ANKRD36C: variants seen among roughly 807,000 people sequenced by gnomAD.
The protein encoded by ANKRD36C is ankyrin repeat domain 36C.
ANKRD36C carries 61 observed loss-of-function variants against 276.4 expected under a neutral mutation model. The ratio of observed to expected loss-of-function variants is 0.22; its 90% CI spans 0.18 to 0.27. ANKRD36C has a LOEUF of 0.27. Ranked by LOEUF, ANKRD36C falls within the 10% of genes least tolerant of loss-of-function variation. The pLI, the probability that ANKRD36C is intolerant of heterozygous loss-of-function variation, is 1.00. For synonymous variants in ANKRD36C, 483 were observed against 680.1 expected, an observed-to-expected ratio of 0.71 and a Z score of 4.51; for missense variants, 1,447 against 2,032.3, an observed-to-expected ratio of 0.71 and a Z score of 5.54.
chr2:95,986,679 G>A, intron 3 of ANKRD36C, 72 bp downstream of exon 3: 2 of 1,229,686 alleles, frequency 1.6e-6, no homozygotes, highest in Non-Finnish European at 1.1e-6. Context: ...ATGAAAAATT[G>A]ACCCTTACAT....
intron 44 of ANKRD36C, 65 bp from the exon 59 acceptor site, chr2:95,897,530 T>C: frequency 2.6e-6 from 4 of 1,511,778 alleles, no homozygotes; most frequent in South Asian, 1.2e-5. Flanking sequence ...CACATATTCA[T>C]GCAGTGTTAG....
chr2:95,884,505 G>A, intron 52 of ANKRD36C, 137 bp from the exon 73 acceptor site: 2 of 1,449,276 alleles, frequency 1.4e-6, no homozygotes, highest in Admixed American at 3.7e-5. Context: ...CTTTGTGTCT[G>A]GGGATTGGAA....
chr2:95,863,467 G>A (rs1456261455), intron 60 of ANKRD36C, among the ~76,000 whole-genome samples: 1 of 152,058 alleles, frequency 6.6e-6, no homozygotes, highest in Non-Finnish European at 1.5e-5. Context: ...GAAAGAAGGA[G>A]TATATCTCAA....
chr2:95,903,627 T>C (rs1439035970), intron 42 of ANKRD36C, among the ~76,000 whole-genome samples: 4 of 150,844 alleles, frequency 2.7e-5, no homozygotes, highest in Non-Finnish European at 5.9e-5. Flanking sequence ...ATCTGTTTGC[T>C]GATACCTAGT....
chr2:95,910,040 G>A (rs1289693562), intron 42 of ANKRD36C, among the ~76,000 whole-genome samples: 1 of 151,208 alleles, frequency 6.6e-6, no homozygotes, highest in Admixed American at 6.6e-5. Flanking sequence ...CTGTAAAATC[G>A]ATACTTCCTC....
intron 34 of ANKRD36C, among the ~76,000 whole-genome samples, chr2:95,918,943 A>G (rs1215040947): frequency 7.6e-6 from 1 of 131,368 alleles, no homozygotes; most frequent in Non-Finnish European, 1.7e-5. Context: ...TTCATGAAAT[A>G]GCTATTTCAC....
At position 95,923,525 on chromosome 2, in the gene ANKRD36C, C is replaced by A. The variant is rs1399038361; in HGVS notation, c.2113G>T (p.Glu705Ter). Reference sequence around the variant, plus strand: ...CCACATTGTAGTCCATCCTTTATTTCTGTAGCTATATTCAAAGCAGAATCT... The same window carrying A: ...CCACATTGTAGTCCATCCTTTATTTATGTAGCTATATTCAAAGCAGAATCT... The change falls in exon 32 of 67, where the codon GAA (glutamate) becomes TAA (stop). Residue 705 changes from glutamate (E) to a stop codon, truncating the protein, a stop_gained. Transcript: ENST00000456556. LOFTEE classifies it high-confidence loss of function. The A allele has an allele frequency of 6.2e-7, 1 of 1,610,996 alleles. No homozygotes were observed. The highest frequency in any genetic ancestry group is 1.1e-5 in the South Asian group (1 of 90,986).
At chr2:95,953,412 C>T (rs1678249757) in intron 14 of ANKRD36C, among the ~76,000 whole-genome samples, 1 of 151,746 alleles carries the variant, frequency 6.6e-6, no homozygotes, top group Admixed American at 6.6e-5. Context: ...ATTACAGAGC[C>T]AGGAATAAAA....
In ANKRD36C at chr2:95,855,690, A is replaced by G. The variant is rs74850719; in HGVS notation, c.4571T>C (p.Phe1524Ser). 4.3e-6 allele frequency: 7 copies of G among 1,611,998 alleles called. No homozygotes were observed. In the Admixed American group the frequency reaches 1.0e-4, roughly 23 times the overall value. ...ATGGAGCTCAGTTTCGAGGACTCTGAACTTACTCTCAGCTTTAGAAAGTTG... is the reference window on the plus strand; with the variant it reads ...ATGGAGCTCAGTTTCGAGGACTCTGGACTTACTCTCAGCTTTAGAAAGTTG... The change falls in exon 63 of 67, where the codon TTC becomes TCC. Residue 1524 changes from phenylalanine (F) to serine (S), a missense_variant. Coordinates refer to ENST00000456556, the Ensembl canonical transcript of ANKRD36C.
At chr2:95,946,145 G>C (rs2104474327) in intron 17 of ANKRD36C, among the ~76,000 whole-genome samples, 1 of 96,572 alleles carries the variant, frequency 1.0e-5, no homozygotes, top group South Asian at 3.7e-4. Flanking sequence ...GAGAGAGAGA[G>C]ACAGAGAGAG....
rs370291695 is a variant in ANKRD36C at position 95,910,233 on chromosome 2, C to G, written c.2653+2011G>C. On this transcript the variant is annotated intron_variant, in intron 42 of 66. Coordinates refer to ENST00000456556, the Ensembl canonical transcript of ANKRD36C. ...GACCAGCAGCATCAGCATCACCCAA[C>G]AACTTACTACAAATGAAGAATCTCC... is the stretch of plus-strand genomic sequence containing the variant. 7.6e-4 allele frequency: 798 copies of G among 1,043,754 alleles called. 1 individual carries two copies. Among genetic ancestry groups the G allele is most frequent in the East Asian group, 5.0e-3 (171 of 34,198 alleles). 64.7% of individuals were successfully genotyped at this position (1,043,754 alleles called of 1,614,324 possible). A position where few individuals can be genotyped will look rare whatever the true frequency, so the allele number is the denominator to read the frequency against.
Position 95,888,180 on chromosome 2 carries a change from A to G in ANKRD36C, c.2960-60T>C, listed in dbSNP as rs1188149389. 87 of 1,602,928 alleles carry G rather than the reference A, an allele frequency of 5.4e-5. No homozygotes were observed. In the Middle Eastern group the frequency reaches 1.6e-3, roughly 29 times the overall value. ...GTAAATATGATAAAGTTATCCATAC[A>G]TTCATGCACTGTTGGCATCAAGATG... On this transcript the variant is annotated intron_variant, in intron 48 of 66. Coordinates refer to ENST00000456556, the Ensembl canonical transcript of ANKRD36C.
chr2:95,890,451 G>C (rs1291371139), intron 46 of ANKRD36C, among the ~76,000 whole-genome samples: 4 of 151,410 alleles, frequency 2.6e-5, no homozygotes, highest in Admixed American at 6.6e-5. Context: ...AGAAGGCACA[G>C]AATTACGACA....
At chr2:95,933,659 C>G (rs1677633577) in intron 24 of ANKRD36C, among the ~76,000 whole-genome samples, 1 of 152,134 alleles carries the variant, frequency 6.6e-6, no homozygotes, top group African/African-American at 2.4e-5. Flanking sequence ...TGCTTATCAG[C>G]TGAAGGAGAT....
chr2:95,889,820 C>G lies in ANKRD36C; in HGVS notation c.2938G>C (p.Asp980His), dbSNP rs774762527. The G allele has an allele frequency of 6.3e-6, 10 of 1,595,678 alleles. No homozygotes were observed. In the South Asian group the frequency reaches 1.0e-4, roughly 16 times the overall value. Reference sequence around the variant, plus strand: ...TTACCTGTCCCAGATATTTGTTCATCCTTTGTTTCTGTGGCCATATTCGGA... The same window carrying G: ...TTACCTGTCCCAGATATTTGTTCATGCTTTGTTTCTGTGGCCATATTCGGA... The change falls in exon 48 of 67, where the codon GAT becomes CAT. Residue 980 changes from aspartate (D) to histidine (H), a missense_variant. Physicochemically the swap from Asp to His is moderately conservative, Grantham distance 81. Transcript: ENST00000456556.
intron 6 of ANKRD36C, among the ~76,000 whole-genome samples, chr2:95,974,449 G>A (rs1678763165): frequency 6.6e-6 from 1 of 152,112 alleles, no homozygotes; most frequent in Non-Finnish European, 1.5e-5. Flanking sequence ...TTAGAAATGT[G>A]TTCTAATAAT....
At chr2:95,985,178 A>G (rs897382299) in intron 3 of ANKRD36C, among the ~76,000 whole-genome samples, 5 of 152,228 alleles carry the variant, frequency 3.3e-5, no homozygotes, top group Non-Finnish European at 7.4e-5. Flanking sequence ...ATGGCAGTGA[A>G]TAAGTGATGG....
intron 19 of ANKRD36C, among the ~76,000 whole-genome samples, chr2:95,943,559 TTTAA>T (rs1227825693): frequency 1.3e-5 from 2 of 151,060 alleles, no homozygotes; most frequent in Admixed American, 6.6e-5. Context: ...TTTTTTATTA[TTTAA>T]TTATTTATTT....
downstream of ANKRD36C, among the ~76,000 whole-genome samples, chr2:95,850,918 GA>G (rs1218500250): frequency 6.6e-6 from 1 of 151,888 alleles, no homozygotes; most frequent in Non-Finnish European, 1.5e-5. Context: ...TGTAGGGCCA[GA>G]AAAAAAGGGA....
Sources: allele counts gnomAD v4.1 joint callset (sites outside exome capture counted in the v4.1 genomes callset), GRCh38; gene constraint gnomAD v4.1.1; transcripts MANE v1.5; gene names NCBI Gene and HGNC (gene_info 2026-07-23, HGNC 2026-07-21).